Variants in RASEF observed in about 807,000 individuals in gnomAD.
The protein encoded by RASEF is RAS and EF-hand domain containing, also known as ras and EF-hand domain-containing protein.
Under a neutral mutation model 90.1 loss-of-function variants are expected in RASEF, and 68 were observed. That is an observed-to-expected ratio of 0.75 (90% CI 0.62 to 0.92). The LOEUF (loss-of-function observed/expected upper bound fraction) is 0.92, where lower values mean the gene tolerates loss of function less well. Among genes scored for constraint, RASEF ranks in the 40% least tolerant of loss-of-function variants. The pLI, the probability that RASEF is intolerant of heterozygous loss-of-function variation, is 0.00. For missense variants in RASEF, 949 were observed against 937.2 expected, an observed-to-expected ratio of 1.01 and a Z score of -0.16; for synonymous variants, 331 against 345.2, an observed-to-expected ratio of 0.96 and a Z score of 0.46.
chr9:83,173,040 T>A, the RASEF span, among the ~76,000 whole-genome samples: 1 of 152,020 alleles, frequency 6.6e-6, no homozygotes, highest in Non-Finnish European at 1.5e-5. Flanking sequence ...AATGTTTTAT[T>A]TCCTTCAGCG....
chr9:83,151,007 A>G, the RASEF span, among the ~76,000 whole-genome samples: 1 of 152,202 alleles, frequency 6.6e-6, no homozygotes, highest in African/African-American at 2.4e-5. Flanking sequence ...GTGTATTAAA[A>G]GGTAAGTATT....
chr9:83,049,039 G>C (rs906969185), intron 1 of RASEF, among the ~76,000 whole-genome samples: 1 of 151,242 alleles, frequency 6.6e-6, no homozygotes, highest in East Asian at 2.0e-4. Flanking sequence ...CAGGAGAATT[G>C]CTTGAACCCG....
At chr9:83,085,616 A>C in the RASEF span, among the ~76,000 whole-genome samples, 1 of 151,880 alleles carries the variant, frequency 6.6e-6, no homozygotes, top group African/African-American at 2.4e-5. Flanking sequence ...CTTAAGTGAC[A>C]GAATGACACC....
chr9:82,997,275 G>C, intron 13 of RASEF, 149 bp from the exon 14 acceptor site: 1 of 601,202 alleles, frequency 1.7e-6, no homozygotes, highest in South Asian at 2.0e-5. Flanking sequence ...CATTTCAAAG[G>C]TCTCGAATGA....
At chr9:83,099,672 C>G in the RASEF span, among the ~76,000 whole-genome samples, 1 of 152,204 alleles carries the variant, frequency 6.6e-6, no homozygotes, top group Non-Finnish European at 1.5e-5. Context: ...TGGTCTCAGT[C>G]TAGTCCTCAG....
At chr9:83,108,999 T>C in the RASEF span, among the ~76,000 whole-genome samples, 2 of 152,288 alleles carry the variant, frequency 1.3e-5, no homozygotes, top group Non-Finnish European at 2.9e-5. Flanking sequence ...GCATCAATAT[T>C]GAAAAAACCA....
the RASEF span, among the ~76,000 whole-genome samples, chr9:83,173,136 T>G: frequency 6.6e-6 from 1 of 151,994 alleles, no homozygotes; most frequent in African/African-American, 2.4e-5. Flanking sequence ...CCCCTTTATA[T>G]GTTATTTGCT....
intron 1 of RASEF, among the ~76,000 whole-genome samples, chr9:83,044,692 G>A (rs1394300648): frequency 6.6e-6 from 1 of 152,134 alleles, no homozygotes; most frequent in Non-Finnish European, 1.5e-5. Flanking sequence ...TCTCAAAACT[G>A]AGAATATTTG....
the RASEF span, among the ~76,000 whole-genome samples, chr9:83,111,279 C>A: frequency 6.6e-6 from 1 of 152,094 alleles, no homozygotes; most frequent in Non-Finnish European, 1.5e-5. Context: ...GATTCAGATG[C>A]TGACAAGACA....
the RASEF span, among the ~76,000 whole-genome samples, chr9:83,081,312 G>C: frequency 6.6e-6 from 1 of 152,156 alleles, no homozygotes; most frequent in South Asian, 2.1e-4. Context: ...GAATATTTTA[G>C]TTAGAAAACA....
intron 1 of RASEF, among the ~76,000 whole-genome samples, chr9:83,035,082 C>G (rs1333677269): frequency 6.6e-6 from 1 of 152,080 alleles, no homozygotes; most frequent in Non-Finnish European, 1.5e-5. Context: ...AAATGTCTTA[C>G]GCGTGGCAGT....
chr9:83,080,325 G>A, the RASEF span, among the ~76,000 whole-genome samples: 1 of 152,320 alleles, frequency 6.6e-6, no homozygotes, highest in Non-Finnish European at 1.5e-5. Context: ...TGGTAAGAAT[G>A]GAAATGTAAG....
In RASEF at chr9:83,000,314, T is replaced by C; in HGVS notation, c.1578A>G (p.Thr526=). ...RKPISALSPQ[T]DLVDDNAKSF... is the part of the protein sequence containing the mutation. ...ATTTAGCGTTGTCATCTACCAGGTC[T>C]GTCTGGGGGGAAAAGCCACAGTGAA... is the stretch of plus-strand genomic sequence containing the variant. Residue 526 remains threonine (T), a splice_region_variant and synonymous_variant, in exon 12 of 17, where the codon ACA becomes ACG. Coordinates refer to ENST00000376447, the MANE Select transcript of RASEF (RefSeq NM_152573.4). 1 of 1,613,196 alleles carries C rather than the reference T, an allele frequency of 6.2e-7. No homozygotes were observed. Among genetic ancestry groups the C allele is most frequent in the Non-Finnish European group, 8.5e-7 (1 of 1,179,680 alleles).
At chr9:83,190,474 A>G in the RASEF span, among the ~76,000 whole-genome samples, 1 of 152,152 alleles carries the variant, frequency 6.6e-6, no homozygotes, top group African/African-American at 2.4e-5. Context: ...CCTCTCATTT[A>G]TGTGCTATCT....
intron 8 of RASEF, among the ~76,000 whole-genome samples, chr9:83,004,834 T>A (rs1829100013): frequency 6.6e-6 from 1 of 152,190 alleles, no homozygotes; most frequent in Non-Finnish European, 1.5e-5. Flanking sequence ...CTACTGCATA[T>A]TCCATAAAGG....
chr9:83,113,973 C>T, the RASEF span, among the ~76,000 whole-genome samples: 19 of 152,110 alleles, frequency 1.2e-4, no homozygotes, highest in Non-Finnish European at 2.4e-4. Flanking sequence ...GGTTTTGTGG[C>T]TCAGGGTCAT....
chr9:83,024,417 CTGTGTA>C (rs1029155355), intron 2 of RASEF, among the ~76,000 whole-genome samples: 8 of 152,074 alleles, frequency 5.3e-5, no homozygotes, highest in Admixed American at 3.9e-4. Context: ...CTGTGTGGGT[CTGTGTA>C]TGTGTACCTA....
the RASEF span, among the ~76,000 whole-genome samples, chr9:83,192,784 A>G: frequency 6.6e-6 from 1 of 152,052 alleles, no homozygotes; most frequent in Non-Finnish European, 1.5e-5. Flanking sequence ...GACAACAGTG[A>G]TAAAGATTGC....
chr9:83,182,191 C>T, the RASEF span, among the ~76,000 whole-genome samples: 1 of 152,182 alleles, frequency 6.6e-6, no homozygotes, highest in Admixed American at 6.5e-5. Flanking sequence ...ATAAAAAATG[C>T]CATGCCCAGT....
Sources: gnomAD v4.1 joint callset for allele counts (sites outside exome capture counted in the v4.1 genomes callset) on GRCh38, gnomAD v4.1.1 for gene constraint, MANE v1.5 for transcripts, NCBI Gene and HGNC (gene_info 2026-07-23, HGNC 2026-07-21) for gene names.